The following CTIF variants were observed in gnomAD, a reference collection of about 807,000 sequenced individuals.
The protein encoded by CTIF is cap binding complex dependent translation initiation factor, also known as CBP80/20-dependent translation initiation factor.
A neutral mutation model predicts 66.0 loss-of-function variants in CTIF; 21 were observed. The ratio of observed to expected loss-of-function variants is 0.32; its 90% CI spans 0.23 to 0.46. CTIF has a LOEUF of 0.46. CTIF is among the 20% of genes least tolerant of loss of function. The probability of loss-of-function intolerance (pLI) is 1.00; values close to 1 mark genes in which losing one functional copy is unlikely to be tolerated. For missense variants in CTIF, 739 were observed against 812.7 expected, an observed-to-expected ratio of 0.91 and a Z score of 1.10; for synonymous variants, 345 against 326.4, an observed-to-expected ratio of 1.06 and a Z score of -0.62.
chr18:48,594,702 TC>T (rs2089958247), intron 1 of CTIF, among the ~76,000 whole-genome samples: 1 of 152,100 alleles, frequency 6.6e-6, no homozygotes, highest in Non-Finnish European at 1.5e-5. Context: ...CAGATAACTG[TC>T]CCCCTCCTGT....
chr18:48,548,133 T>A (rs1437759043), intron 1 of CTIF, among the ~76,000 whole-genome samples: 3 of 152,178 alleles, frequency 2.0e-5, no homozygotes, highest in Non-Finnish European at 4.4e-5. Flanking sequence ...ACTGTAGTTA[T>A]GACAATTGAG....
At chr18:48,689,413 T>G (rs1417474625) in intron 6 of CTIF, among the ~76,000 whole-genome samples, 1 of 152,204 alleles carries the variant, frequency 6.6e-6, no homozygotes, top group Non-Finnish European at 1.5e-5. Flanking sequence ...TAAGTGGATT[T>G]CACATGCTGC....
At chr18:48,585,608 C>T (rs1209469377) in intron 1 of CTIF, among the ~76,000 whole-genome samples, 1 of 152,180 alleles carries the variant, frequency 6.6e-6, no homozygotes, top group African/African-American at 2.4e-5. Flanking sequence ...GGTGGCGCAT[C>T]CTCCAAAACT....
At position 48,859,935 on chromosome 18, in the gene CTIF, G is replaced by C. The variant is rs1053157254; in HGVS notation, c.*376G>C. 4.1e-6 allele frequency: 2 copies of C among 484,640 alleles called. No homozygotes were observed. Among genetic ancestry groups the C allele is most frequent in the African/African-American group, 3.9e-5 (2 of 51,258 alleles). 30.0% of individuals were successfully genotyped at this position (484,640 alleles called of 1,614,324 possible). On this transcript the variant is annotated 3_prime_UTR_variant, in exon 12 of 12. Transcript: ENST00000256413. The stretch of plus-strand genomic sequence containing the variant: ...GGAGACCTTGGCAGCCTCGCACGCC[G>C]GGGCACCGCTTGGGTCAGAAAGGAC...
intron 1 of CTIF, among the ~76,000 whole-genome samples, chr18:48,547,704 G>GA (rs1159247921): frequency 6.6e-6 from 1 of 152,168 alleles, no homozygotes; most frequent in Non-Finnish European, 1.5e-5. Context: ...GCTTCTGCTG[G>GA]AAGGGCCTCC....
intron 6 of CTIF, among the ~76,000 whole-genome samples, chr18:48,681,394 A>G (rs928232418): frequency 6.6e-6 from 1 of 151,448 alleles, no homozygotes; most frequent in Non-Finnish European, 1.5e-5. Flanking sequence ...GCAAGGGGCT[A>G]CCTCCAGAGT....
chr18:48,691,024 C>T (rs771201913), intron 6 of CTIF, among the ~76,000 whole-genome samples: 1 of 152,140 alleles, frequency 6.6e-6, no homozygotes, highest in Non-Finnish European at 1.5e-5. Context: ...TGCCTGTGAG[C>T]AGGGCAGACA....
intron 10 of CTIF, among the ~76,000 whole-genome samples, chr18:48,832,861 T>C (rs1308379350): frequency 1.3e-5 from 2 of 152,232 alleles, no homozygotes; most frequent in Non-Finnish European, 2.9e-5. Context: ...CAATTAGCTC[T>C]AGAAATTGAA....
chr18:48,564,970 T>C (rs1029209357), intron 1 of CTIF: 3 of 152,208 alleles, frequency 2.0e-5, no homozygotes, highest in South Asian at 2.1e-4. Context: ...CACCCTGATA[T>C]TGAGATAAAT....
intron 9 of CTIF, among the ~76,000 whole-genome samples, chr18:48,767,965 A>G (rs1449178920): frequency 6.6e-6 from 1 of 152,174 alleles, no homozygotes; most frequent in Non-Finnish European, 1.5e-5. Context: ...AGTGTGAGAC[A>G]AGCCTGAAGA....
At chr18:48,651,007 A>C (rs2091145826) in intron 3 of CTIF, among the ~76,000 whole-genome samples, 1 of 152,214 alleles carries the variant, frequency 6.6e-6, no homozygotes, top group Non-Finnish European at 1.5e-5. Context: ...CTAAACGTGG[A>C]AAGGAACACC....
rs540241162 is a variant in CTIF at position 48,763,073 on chromosome 18, G to A, written c.1371+1384G>A. ...ACATGGGGCATGTTCCTCGCGGGCC[G>A]GAATGTCCTGGGAGCGTGTGGAGAG... On this transcript the variant is annotated intron_variant, in intron 9 of 11. Coordinates refer to ENST00000256413, the MANE Select transcript of CTIF (RefSeq NM_014772.3). 7.9e-5 allele frequency among the ~76,000 whole-genome samples: 12 copies of A among 152,384 alleles called. No homozygotes were observed. In the East Asian group the frequency reaches 1.5e-3, roughly 20 times the overall value.
chr18:48,832,519 G>A (rs2068715375), intron 10 of CTIF, among the ~76,000 whole-genome samples: 1 of 152,138 alleles, frequency 6.6e-6, no homozygotes, highest in Non-Finnish European at 1.5e-5. Flanking sequence ...TTGCGTGACA[G>A]GGATAAGAGA....
At chr18:48,573,080 G>A (rs1307846034) in intron 1 of CTIF, among the ~76,000 whole-genome samples, 18 of 152,188 alleles carry the variant, frequency 1.2e-4, no homozygotes, top group African/African-American at 2.4e-5. Context: ...GAGCCGTCTC[G>A]GAGGTAGCCA....
chr18:48,747,824 G>A (rs541091338), intron 7 of CTIF, among the ~76,000 whole-genome samples: 9 of 151,866 alleles, frequency 5.9e-5, no homozygotes, highest in South Asian at 2.1e-4. Flanking sequence ...ACGCTGAGGT[G>A]GGAGGATCAC....
chr18:48,700,301 C>G (rs1034299937), intron 6 of CTIF, among the ~76,000 whole-genome samples: 8 of 152,234 alleles, frequency 5.3e-5, no homozygotes, highest in African/African-American at 1.9e-4. Flanking sequence ...CCATGTGGAA[C>G]TGTGAGTCCA....
chr18:48,666,965 C>G (rs1051906945), intron 5 of CTIF, among the ~76,000 whole-genome samples: 6 of 152,192 alleles, frequency 3.9e-5, no homozygotes, highest in Non-Finnish European at 4.4e-5. Context: ...AACAGTGTAG[C>G]GGAGCTTGGG....
At chr18:48,665,467 AT>A (rs1159402455) in intron 5 of CTIF, among the ~76,000 whole-genome samples, 1 of 152,184 alleles carries the variant, frequency 6.6e-6, no homozygotes, top group Non-Finnish European at 1.5e-5. Context: ...GTTTTATATA[AT>A]TTTTAATGAG....
At chr18:48,551,851 G>T (rs1395884263) in intron 1 of CTIF, among the ~76,000 whole-genome samples, 1 of 151,880 alleles carries the variant, frequency 6.6e-6, no homozygotes, top group Non-Finnish European at 1.5e-5. Context: ...AGGCTGGAGT[G>T]TAGTGGCGCG....
Sources: allele counts gnomAD v4.1 joint callset (sites outside exome capture counted in the v4.1 genomes callset), GRCh38; gene constraint gnomAD v4.1.1; transcripts MANE v1.5; gene names NCBI Gene and HGNC (gene_info 2026-07-23, HGNC 2026-07-21).